RIOK2: variants seen among roughly 807,000 people sequenced by gnomAD.
The protein encoded by RIOK2 is serine/threonine-protein kinase RIO2.
Under a neutral mutation model 62.4 loss-of-function variants are expected in RIOK2, and 46 were observed. That is an observed-to-expected ratio of 0.74 (90% CI 0.58 to 0.94). RIOK2 has a LOEUF of 0.94. RIOK2 is among the 40% of genes least tolerant of loss of function. RIOK2 has a pLI of 0.00. For missense variants in RIOK2, 574 were observed against 658.0 expected (o/e 0.87, Z 1.40); for synonymous variants, 197 against 216.0 (o/e 0.91, Z 0.77).
intron 1 of RIOK2, among the ~76,000 whole-genome samples, chr5:97,180,120 GTATATGTATATATATA>G (rs1459851353): frequency 9.3e-5 from 3 of 32,144 alleles, no homozygotes; most frequent in Non-Finnish European, 2.2e-4. Context: ...TTCTGCATGT[GTATATGTATATATATA>G]TATATGTATA....
chr5:97,167,724 A>G lies in RIOK2; in HGVS notation c.1140T>C (p.Ser380=). ...GTGCATCAGCACTCTCTTCTGATAA[A>G]CTGTCTTCCTTTATTTGTTCAGGGT... ...SGDPEQIKED[S]LSEESADARS... is the part of the protein sequence containing the mutation. The change falls in exon 8 of 10, where the codon AGT becomes AGC. Residue 380 remains serine, a synonymous_variant. Coordinates refer to ENST00000283109, the MANE Select transcript of RIOK2 (RefSeq NM_018343.3). 6.2e-7 allele frequency: 1 copy of G among 1,614,168 alleles called. No homozygotes were observed. Among genetic ancestry groups the G allele is most frequent in the Non-Finnish European group, 8.5e-7 (1 of 1,180,012 alleles).
At chr5:97,180,023 A>ATATAATATATG (rs1197654209) in intron 1 of RIOK2, among the ~76,000 whole-genome samples, 1 of 71,154 alleles carries the variant, frequency 1.4e-5, no homozygotes, top group African/African-American at 5.1e-5. Context: ...TATAATATAT[A>ATATAATATATG]TATAATATAT....
At chr5:97,179,802 G>C (rs1580279043) in intron 1 of RIOK2, among the ~76,000 whole-genome samples, 1 of 118,236 alleles carries the variant, frequency 8.5e-6, no homozygotes, top group African/African-American at 3.2e-5. Context: ...TCACACACTG[G>C]GGCCTGTCGG....
intron 2 of RIOK2, chr5:97,178,797 TCTACGTGCTCTTCTGCAGTAC>T: frequency 6.2e-6 from 3 of 481,796 alleles, no homozygotes; most frequent in Non-Finnish European, 1.1e-5. Context: ...TCTGCAGTAC[TCTACGTGCTCTTCTGCAGTAC>T]CTACATGCTC....
At chr5:97,179,514 C>G (rs1283416377) in intron 1 of RIOK2, among the ~76,000 whole-genome samples, 1 of 151,590 alleles carries the variant, frequency 6.6e-6, no homozygotes, top group African/African-American at 2.4e-5. Context: ...ATTTATTAAG[C>G]AGGTATTTAA....
At chr5:97,164,662 A>C (rs186333489) in intron 9 of RIOK2, among the ~76,000 whole-genome samples, 16 of 152,358 alleles carry the variant, frequency 1.1e-4, no homozygotes, top group African/African-American at 3.1e-4. Flanking sequence ...AGAATGACTC[A>C]TCCACCTCAA....
intron 3 of RIOK2, 129 bp downstream of exon 3, chr5:97,177,602 CT>C: frequency 1.5e-6 from 1 of 650,990 alleles, no homozygotes; most frequent in Non-Finnish European, 2.7e-6. Flanking sequence ...CTGATTTGTA[CT>C]GCTTCCAATC....
intron 4 of RIOK2, among the ~76,000 whole-genome samples, chr5:97,174,620 T>C (rs188020748): frequency 3.2e-4 from 49 of 152,172 alleles, no homozygotes; most frequent in Admixed American, 1.3e-3. Flanking sequence ...ATTCATGTCA[T>C]TGCCCATACC....
intron 1 of RIOK2, among the ~76,000 whole-genome samples, chr5:97,180,128 A>ATATATATGTG (rs1749346131): frequency 1.8e-5 from 1 of 54,516 alleles, no homozygotes; most frequent in African/African-American, 6.8e-5. Flanking sequence ...GTGTATATGT[A>ATATATATGTG]TATATATATA....
chr5:97,178,735 C>G (rs1049078129), intron 2 of RIOK2: 2 of 342,196 alleles, frequency 5.8e-6, no homozygotes, highest in African/African-American at 2.3e-5. Context: ...GCAGTACCTA[C>G]GTGCTCTTCT....
At chr5:97,167,022 T>C (rs2112827096) in intron 8 of RIOK2, 1 of 448,738 alleles carries the variant, frequency 2.2e-6, no homozygotes, top group Middle Eastern at 1.2e-3. Flanking sequence ...GTTCAAGTGA[T>C]TCTCCTGCCT....
intron 3 of RIOK2, 22 bp from the exon 4 acceptor site, chr5:97,177,313 C>T: frequency 6.3e-7 from 1 of 1,590,894 alleles, no homozygotes; most frequent in African/African-American, 1.4e-5. Context: ...ATTTCAAAAA[C>T]AACCATTATT....
At position 97,179,963 on chromosome 5, in the gene RIOK2, T is replaced by TTTTA. The variant is rs1554083499; in HGVS notation, c.67-771_67-770insTAAA. Reference sequence around the variant, plus strand: ...ATGTACCCCAGAACTTAAAAGTATTTTATATATATATATAATATATATATA... The same window carrying TTTTA: ...ATGTACCCCAGAACTTAAAAGTATTTTTTATATATATATATATAATATATATATA... On this transcript the variant is annotated intron_variant, in intron 1 of 9. Coordinates refer to ENST00000283109, the MANE Select transcript of RIOK2 (RefSeq NM_018343.3). Among the ~76,000 whole-genome samples, 9 of 47,400 alleles carry TTTTA rather than the reference T, an allele frequency of 1.9e-4. 1 individual carries two copies. Among genetic ancestry groups the TTTTA allele is most frequent in the Non-Finnish European group, 2.4e-4 (6 of 24,918 alleles). 31.1% of individuals were successfully genotyped at this position (47,400 alleles called of 152,430 possible).
rs111757929 is a variant in RIOK2, at chr5:97,161,382, C to T, written c.*1679G>A. On this transcript the variant is annotated 3_prime_UTR_variant, in exon 10 of 10. Coordinates refer to ENST00000283109, the MANE Select transcript of RIOK2 (RefSeq NM_018343.3). ...TAGCTTATCTGTTAGGACAAACTCT[C>T]TAACTTCTAATTGATGGCTAGCCAA... is the stretch of plus-strand genomic sequence containing the variant. 2.1e-4 allele frequency: 32 copies of T among 152,158 alleles called. No individual in the cohort carries two copies. Among genetic ancestry groups the T allele is most frequent in the African/African-American group, 7.7e-4 (32 of 41,548 alleles). 9.4% of individuals were successfully genotyped at this position (152,158 alleles called of 1,614,324 possible).
intron 2 of RIOK2, among the ~76,000 whole-genome samples, chr5:97,178,211 T>C (rs142131596): frequency 3.0e-3 from 452 of 152,364 alleles, no homozygotes; most frequent in African/African-American, 0.01. Context: ...CTGTGATAGG[T>C]TGGAAAAAAC....
At chr5:97,166,146 A>G in intron 8 of RIOK2, 1 of 294,858 alleles carries the variant, frequency 3.4e-6, no homozygotes, top group South Asian at 3.2e-5. Context: ...CTTGGTCTCT[A>G]GCTTGTTGAC....
At position 97,163,206 on chromosome 5, in the gene RIOK2, A is replaced by G; in HGVS notation, c.1514T>C (p.Val505Ala). ...TTGCTGTTTTGTCAACTGACGTTTC[A>G]CCTTCTGTTTCACCAGTTCCTGGAA... ...TIPPELVKQK[V>A]KRQLTKQQKS... The change falls in exon 10 of 10, where the codon GTG becomes GCG. Residue 505 changes from valine to alanine, a missense_variant. Coordinates refer to ENST00000283109, the MANE Select transcript of RIOK2 (RefSeq NM_018343.3). 1 of 1,613,416 alleles carries G rather than the reference A, an allele frequency of 6.2e-7. No homozygotes were observed. Among genetic ancestry groups the G allele is most frequent in the South Asian group, 1.1e-5 (1 of 91,012 alleles).
At chr5:97,164,824 A>G (rs1341629475) in intron 9 of RIOK2, 6 of 343,356 alleles carry the variant, frequency 1.7e-5, no homozygotes, top group Non-Finnish European at 5.2e-6. Context: ...ACAAAAAGTC[A>G]TTTGGCCTTC....
chr5:97,168,863 A>C lies in RIOK2; in HGVS notation c.780-11T>G. ...TCTCTGTCAAAATACCTGCAAAAGC[A>C]AGAATCATTTATGATATAGTCTTTA... On this transcript the variant is annotated splice_polypyrimidine_tract_variant and intron_variant, in intron 6 of 9. Coordinates refer to ENST00000283109, the MANE Select transcript of RIOK2 (RefSeq NM_018343.3). 2 of 1,523,592 alleles carry C rather than the reference A, an allele frequency of 1.3e-6. No individual in the cohort carries two copies. The highest frequency in any genetic ancestry group is 9.0e-7 in the Non-Finnish European group (1 of 1,115,796). 94.4% of individuals were successfully genotyped at this position (1,523,592 alleles called of 1,614,324 possible). A position where few individuals can be genotyped will look rare whatever the true frequency, so the allele number is the denominator to read the frequency against.
Sources: allele counts gnomAD v4.1 joint callset (sites outside exome capture counted in the v4.1 genomes callset), GRCh38; gene constraint gnomAD v4.1.1; transcripts MANE v1.5; gene names NCBI Gene and HGNC (gene_info 2026-07-23, HGNC 2026-07-21).